DLG2: variants seen among roughly 807,000 people sequenced by gnomAD.
DLG2 encodes the protein disks large homolog 2.
In DLG2, 45 loss-of-function variants were observed where a neutral mutation model predicts 132.5. The observed-to-expected ratio is 0.34, with a 90% confidence interval of 0.27 to 0.44. The LOEUF (loss-of-function observed/expected upper bound fraction) is 0.44. Ranked by LOEUF, DLG2 falls within the 20% of genes least tolerant of loss-of-function variation. The pLI is 1.00. For missense variants in DLG2, 1,045 were observed against 1,196.9 expected, an observed-to-expected ratio of 0.87 and a Z score of 1.87; for synonymous variants, 424 against 419.6, an observed-to-expected ratio of 1.01 and a Z score of -0.13.
At chr11:84,186,118 C>T (rs2096271917) in intron 8 of DLG2, among the ~76,000 whole-genome samples, 1 of 152,092 alleles carries the variant, frequency 6.6e-6, no homozygotes, top group African/African-American at 2.4e-5. Flanking sequence ...CGCTTTTCAG[C>T]ATTTGAATAC....
At position 83,825,791 on chromosome 11, in the gene DLG2, C is replaced by A. The variant is rs72958207; in HGVS notation, c.1722+7823G>T. Among the ~76,000 whole-genome samples, 758 of 152,296 alleles carry A rather than the reference C, an allele frequency of 5.0e-3. 6 individuals carry two copies. Among genetic ancestry groups the A allele is most frequent in the Middle Eastern group, 0.02 (6 of 294 alleles). On this transcript the variant is annotated intron_variant, in intron 17 of 27. Transcript: ENST00000376104. ...GTTAGTAAATAACTGCTGTCCTGAG[C>A]CCTCCTGAGTGACCCACAACTCTGG...
chr11:83,598,407 C>T (rs1328663873), intron 19 of DLG2, among the ~76,000 whole-genome samples: 1 of 152,212 alleles, frequency 6.6e-6, no homozygotes, highest in Non-Finnish European at 1.5e-5. Flanking sequence ...TCATTTCAGT[C>T]AGAATATGGC....
intron 6 of DLG2, among the ~76,000 whole-genome samples, chr11:84,934,901 C>T (rs556803676): frequency 6.6e-6 from 1 of 152,036 alleles, no homozygotes; most frequent in East Asian, 1.9e-4. Flanking sequence ...TTTTCTAACC[C>T]ACATCCATTC....
At chr11:83,514,391 CTT>C (rs2140105776) in intron 21 of DLG2, among the ~76,000 whole-genome samples, 1 of 152,274 alleles carries the variant, frequency 6.6e-6, no homozygotes, top group South Asian at 2.1e-4. Context: ...TATCCTGAGA[CTT>C]TGCTGAAGTT....
intron 3 of DLG2, among the ~76,000 whole-genome samples, chr11:85,339,387 A>T (rs539424024): frequency 6.6e-6 from 1 of 152,314 alleles, no homozygotes; most frequent in Admixed American, 6.5e-5. Context: ...AAGAAGGATT[A>T]CTGGGCTGAA....
chr11:84,402,900 A>AAAAAAAAAAAAAAAAAAAAAAAAC (rs2098835529), intron 7 of DLG2, among the ~76,000 whole-genome samples: 1 of 150,864 alleles, frequency 6.6e-6, no homozygotes, highest in African/African-American at 2.5e-5. Flanking sequence ...AAAAAAAAAA[A>AAAAAAAAAAAAAAAAAAAAAAAAC]ATTAACTCAG....
intron 7 of DLG2, among the ~76,000 whole-genome samples, chr11:84,392,561 T>C (rs1256786496): frequency 6.6e-6 from 1 of 152,234 alleles, no homozygotes. Context: ...CATTTTGGTC[T>C]ATTCTTGTAA....
At chr11:83,949,366 C>T (rs938423901) in intron 14 of DLG2, among the ~76,000 whole-genome samples, 4 of 151,714 alleles carry the variant, frequency 2.6e-5, no homozygotes, top group Non-Finnish European at 5.9e-5. Context: ...TTCCTTACCC[C>T]CATTTTCTTG....
In DLG2 at chr11:83,523,873, C is replaced by T. The variant is rs530057630; in HGVS notation, c.2193+8835G>A. On this transcript the variant is annotated intron_variant, in intron 21 of 27. Coordinates refer to ENST00000376104, the MANE Select transcript of DLG2 (RefSeq NM_001142699.3). ...TTAGAATCAGTCCTGCTGCCAAGCT[C>T]CATCTTCCTGCCCATTAGAGTCAGC... Among the ~76,000 whole-genome samples the T allele has an allele frequency of 9.7e-4, 147 of 151,720 alleles. 2 individuals carry two copies. Among genetic ancestry groups the T allele is most frequent in the African/African-American group, 3.5e-3 (144 of 41,014 alleles).
chr11:83,506,566 G>A (rs1400154345), intron 21 of DLG2, among the ~76,000 whole-genome samples: 1 of 152,146 alleles, frequency 6.6e-6, no homozygotes, highest in Non-Finnish European at 1.5e-5. Flanking sequence ...TATCTTGCCT[G>A]GCACCTGCCT....
At chr11:84,643,845 A>G (rs2099671179) in intron 6 of DLG2, among the ~76,000 whole-genome samples, 1 of 152,218 alleles carries the variant, frequency 6.6e-6, no homozygotes, top group Non-Finnish European at 1.5e-5. Flanking sequence ...AAGGAAAATA[A>G]CCATAGAAGC....
intron 11 of DLG2, among the ~76,000 whole-genome samples, chr11:84,011,207 A>G (rs921408519): frequency 5.9e-5 from 9 of 152,140 alleles, no homozygotes; most frequent in African/African-American, 2.2e-4. Context: ...ATGGCATTTT[A>G]TGCTCATAAT....
At chr11:83,938,550 G>T (rs1203453149) in intron 14 of DLG2, among the ~76,000 whole-genome samples, 1 of 152,152 alleles carries the variant, frequency 6.6e-6, no homozygotes, top group Non-Finnish European at 1.5e-5. Flanking sequence ...ATCCATAGTT[G>T]ATAAGAAGTT....
At chr11:84,569,914 C>G (rs958023398) in intron 6 of DLG2, among the ~76,000 whole-genome samples, 9 of 152,136 alleles carry the variant, frequency 5.9e-5, no homozygotes, top group Admixed American at 5.9e-4. Context: ...CTTAAGCTAC[C>G]TCTATTTTGA....
Position 84,136,888 on chromosome 11 carries a change from A to T in DLG2, c.624+26573T>A, listed in dbSNP as rs1442327454. Among the ~76,000 whole-genome samples, 7 of 152,166 alleles carry T rather than the reference A, an allele frequency of 4.6e-5. No homozygotes were observed. The East Asian group carries it at 1.3e-3, about 29-fold the overall frequency. Reference sequence around the variant, plus strand: ...TACTCATACAAAGTAGGAGGTAAAAATGTCTCACTGCATTTTTCTTTTGGA... The same window carrying T: ...TACTCATACAAAGTAGGAGGTAAAATTGTCTCACTGCATTTTTCTTTTGGA... On this transcript the variant is annotated intron_variant, in intron 9 of 27. Transcript: ENST00000376104.
At chr11:83,773,766 A>G (rs1053882196) in intron 18 of DLG2, among the ~76,000 whole-genome samples, 2 of 152,224 alleles carry the variant, frequency 1.3e-5, no homozygotes, top group African/African-American at 4.8e-5. Flanking sequence ...TTCCACAAAT[A>G]TGTATTGAGT....
chr11:84,576,006 T>C (rs967344726), intron 6 of DLG2, among the ~76,000 whole-genome samples: 1 of 152,220 alleles, frequency 6.6e-6, no homozygotes, highest in African/African-American at 2.4e-5. Flanking sequence ...CTGTTTCCTC[T>C]TCCTGAAAAT....
intron 18 of DLG2, among the ~76,000 whole-genome samples, chr11:83,781,382 A>T (rs1594252262): frequency 6.6e-6 from 1 of 152,206 alleles, no homozygotes; most frequent in Non-Finnish European, 1.5e-5. Flanking sequence ...CAGAAAAAAA[A>T]TACCTATTGA....
chr11:85,356,769 T>C lies in DLG2; in HGVS notation c.41-71404A>G, dbSNP rs913146694. On this transcript the variant is annotated intron_variant, in intron 3 of 27. Transcript: ENST00000376104. Reference sequence around the variant, plus strand: ...CTACAGCATGCCCAGAAAGAAACAGTAGGTAAGTAGATAGATAGATAGATA... The same window carrying C: ...CTACAGCATGCCCAGAAAGAAACAGCAGGTAAGTAGATAGATAGATAGATA... 1.6e-4 allele frequency among the ~76,000 whole-genome samples: 21 copies of C among 134,894 alleles called. 1 individual carries two copies. Among genetic ancestry groups the C allele is most frequent in the African/African-American group, 4.9e-4 (17 of 34,990 alleles). 88.5% of individuals were successfully genotyped at this position (134,894 alleles called of 152,430 possible).
Sources: gnomAD v4.1 joint callset for allele counts (sites outside exome capture counted in the v4.1 genomes callset) on GRCh38, gnomAD v4.1.1 for gene constraint, MANE v1.5 for transcripts, NCBI Gene and HGNC (gene_info 2026-07-23, HGNC 2026-07-21) for gene names.